TRAM2: variants seen among roughly 807,000 people sequenced by gnomAD.
The protein encoded by TRAM2 is translocation associated membrane protein 2, also known as translocating chain-associated membrane protein 2.
Under a neutral mutation model 51.0 loss-of-function variants are expected in TRAM2, and 12 were observed. The observed-to-expected ratio is 0.24, with a 90% confidence interval of 0.15 to 0.38. The LOEUF is 0.38. TRAM2 is among the 10% of genes least tolerant of loss of function. The pLI is 1.00. For missense variants in TRAM2, 361 were observed against 462.0 expected, an observed-to-expected ratio of 0.78 and a Z score of 2.00; for synonymous variants, 175 against 179.4, an observed-to-expected ratio of 0.98 and a Z score of 0.20.
chr6:52,549,506 A>G (rs975202973), intron 1 of TRAM2, among the ~76,000 whole-genome samples: 1 of 152,246 alleles, frequency 6.6e-6, no homozygotes, highest in African/African-American at 2.4e-5. Context: ...CTCATATTTC[A>G]TAATTAAACA....
intron 2 of TRAM2, 89 bp downstream of exon 2, chr6:52,535,694 A>C: frequency 7.7e-7 from 1 of 1,304,484 alleles, no homozygotes; most frequent in Non-Finnish European, 1.1e-6. Context: ...GGGAAAAAAA[A>C]AAAATTGTAC....
At chr6:52,518,022 T>A (rs1259993353) in intron 2 of TRAM2, among the ~76,000 whole-genome samples, 1 of 152,198 alleles carries the variant, frequency 6.6e-6, no homozygotes, top group Admixed American at 6.5e-5. Context: ...CTGGGCTAAC[T>A]GTTGAAACAT....
chr6:52,517,161 G>A lies in TRAM2; in HGVS notation c.185-424C>T, dbSNP rs74923821. 124 of 166,892 alleles carry A rather than the reference G, an allele frequency of 7.4e-4. 1 individual carries two copies. The highest frequency in any genetic ancestry group is 2.7e-3 in the Middle Eastern group (1 of 368). 10.3% of individuals were successfully genotyped at this position (166,892 alleles called of 1,614,324 possible). On this transcript the variant is annotated intron_variant, in intron 2 of 10. Coordinates refer to ENST00000182527, the MANE Select transcript of TRAM2 (RefSeq NM_012288.4). ...AGTTATGCTTTCTCAAGAAAGCACCGCGTAAGGGCTAAATGTGGACTCAGA... is the reference window on the plus strand; with the variant it reads ...AGTTATGCTTTCTCAAGAAAGCACCACGTAAGGGCTAAATGTGGACTCAGA...
In TRAM2 at chr6:52,498,391, T is replaced by C. The variant is rs894040036; in HGVS notation, c.*4806A>G. 3 of 152,514 alleles carry C rather than the reference T, an allele frequency of 2.0e-5. No individual in the cohort carries two copies. The highest frequency in any genetic ancestry group is 2.9e-5 in the Non-Finnish European group (2 of 68,056). 9.4% of individuals were successfully genotyped at this position (152,514 alleles called of 1,614,324 possible). On this transcript the variant is annotated 3_prime_UTR_variant, in exon 11 of 11. Coordinates refer to ENST00000182527, the MANE Select transcript of TRAM2 (RefSeq NM_012288.4). ...AGTCAGACATGTATGTGTTTATGTG[T>C]TAGCACTTGGAGACTGGGAAGTAAA...
chr6:52,515,326 C>G (rs1766528076), intron 4 of TRAM2, among the ~76,000 whole-genome samples: 1 of 152,186 alleles, frequency 6.6e-6, no homozygotes, highest in South Asian at 2.1e-4. Flanking sequence ...TCCAAAGGAC[C>G]ATCCACATTC....
intron 1 of TRAM2, among the ~76,000 whole-genome samples, chr6:52,550,834 G>A (rs920497404): frequency 6.6e-6 from 1 of 152,140 alleles, no homozygotes; most frequent in Admixed American, 6.5e-5. Context: ...CTCCCAAAGT[G>A]CTGGGATTAC....
intron 1 of TRAM2, among the ~76,000 whole-genome samples, chr6:52,575,062 G>A (rs1323334804): frequency 2.0e-5 from 3 of 152,204 alleles, no homozygotes; most frequent in African/African-American, 7.2e-5. Flanking sequence ...CAGAGAATGC[G>A]CTGGGCAAAG....
rs1246439287 is a variant in TRAM2, at chr6:52,497,511, A to G, written c.*5686T>C. ...AAACTGTAATTTGTTTTAAAACCAG[A>G]CAGAAACAGTGGAAAAATGATTTTG... On this transcript the variant is annotated 3_prime_UTR_variant, in exon 11 of 11. Transcript: ENST00000182527. 6.5e-6 allele frequency: 1 copy of G among 152,676 alleles called. No homozygotes were observed. Among genetic ancestry groups the G allele is most frequent in the East Asian group, 1.9e-4 (1 of 5,206 alleles). The allele number at this position is 152,676 out of a possible 1,614,324, so 9.5% of individuals were successfully genotyped here.
intron 1 of TRAM2, among the ~76,000 whole-genome samples, chr6:52,548,837 A>G (rs714169): frequency 0.22 from 33,655 of 152,216 alleles, 3,918 homozygotes; most frequent in Non-Finnish European, 0.27. Flanking sequence ...TGCTTTCTCC[A>G]GGGCAAAGAC....
At chr6:52,531,743 A>G (rs1766896560) in intron 2 of TRAM2, among the ~76,000 whole-genome samples, 1 of 152,134 alleles carries the variant, frequency 6.6e-6, no homozygotes, top group African/African-American at 2.4e-5. Context: ...ACTCAGAAAC[A>G]TCTTCTGTCG....
rs545979616 is a variant in TRAM2 at position 52,504,474 on chromosome 6, G to C, written c.1039+117C>G. 3.8e-4 allele frequency: 568 copies of C among 1,513,556 alleles called. 2 individuals carry two copies. The highest frequency in any genetic ancestry group is 9.3e-4 in the South Asian group (72 of 77,410). The allele number at this position is 1,513,556 out of a possible 1,614,324, so 93.8% of individuals were successfully genotyped here. ...CAGCCCTGAGGTAAGAGTCAGGAAG[G>C]AGAAGCTGGCAGGATTGGTCTGGGC... On this transcript the variant is annotated intron_variant, in intron 10 of 10. Transcript: ENST00000182527.
At chr6:52,536,027 T>C (rs1883929) in intron 1 of TRAM2, among the ~76,000 whole-genome samples, 181 bp from the exon 2 acceptor site, 22,693 of 152,152 alleles carry the variant, frequency 0.15, 2,702 homozygotes, top group Admixed American at 0.29. Context: ...TACCTCTCAA[T>C]ACCTGTACCC....
At chr6:52,532,910 T>C (rs898363795) in intron 2 of TRAM2, among the ~76,000 whole-genome samples, 1 of 152,244 alleles carries the variant, frequency 6.6e-6, no homozygotes, top group Non-Finnish European at 1.5e-5. Context: ...TGGTTTTCTG[T>C]GTTATAATTT....
chr6:52,511,685 C>T (rs974387080), intron 4 of TRAM2, among the ~76,000 whole-genome samples: 6 of 152,178 alleles, frequency 3.9e-5, no homozygotes, highest in South Asian at 2.1e-4. Context: ...AGTCACTAAA[C>T]GCCCTGTGAC....
chr6:52,538,460 C>A (rs1313878587), intron 1 of TRAM2, among the ~76,000 whole-genome samples: 1 of 152,166 alleles, frequency 6.6e-6, no homozygotes, highest in Non-Finnish European at 1.5e-5. Context: ...CAACCGGACA[C>A]CCTGCCCTGG....
In TRAM2 at chr6:52,503,244, C is replaced by T. The variant is rs1766273697; in HGVS notation, c.1066G>A (p.Ala356Thr). ...SGYHENGVVK[A>T]ENGTSPRTKK... ...GTCCGTGGGGAGGTTCCGTTCTCTG[C>T]CTTCACCACTCCATTTTCATGGTAA... The change falls in exon 11 of 11, where the codon GCA (alanine) becomes ACA (threonine). Residue 356 changes from alanine (A) to threonine (T), a missense_variant. Physicochemically the swap from Ala to Thr is moderately conservative, Grantham distance 58. Transcript: ENST00000182527. The T allele has an allele frequency of 1.9e-6, 3 of 1,613,950 alleles. No homozygotes were observed. Among genetic ancestry groups the T allele is most frequent in the African/African-American group, 1.3e-5 (1 of 74,888 alleles).
chr6:52,520,892 C>T (rs1766659348), intron 2 of TRAM2, among the ~76,000 whole-genome samples: 1 of 151,738 alleles, frequency 6.6e-6, no homozygotes, highest in African/African-American at 2.4e-5. Context: ...CATGGTTTCC[C>T]TCCTTACCTG....
At chr6:52,562,620 T>A (rs921468077) in intron 1 of TRAM2, among the ~76,000 whole-genome samples, 1 of 152,212 alleles carries the variant, frequency 6.6e-6, no homozygotes, top group Non-Finnish European at 1.5e-5. Context: ...GCAGTTTTGT[T>A]ACATAGGTGT....
intron 1 of TRAM2, among the ~76,000 whole-genome samples, chr6:52,571,080 C>G (rs956106172): frequency 6.6e-6 from 1 of 152,008 alleles, no homozygotes; most frequent in African/African-American, 2.4e-5. Context: ...CCCCCCCACC[C>G]CTTTCTTTAA....
Sources: gnomAD v4.1 joint callset for allele counts (sites outside exome capture counted in the v4.1 genomes callset) on GRCh38, gnomAD v4.1.1 for gene constraint, MANE v1.5 for transcripts, NCBI Gene and HGNC (gene_info 2026-07-23, HGNC 2026-07-21) for gene names.